The following ROBO3 variants were observed in gnomAD, a reference collection of about 807,000 sequenced individuals.
ROBO3 encodes roundabout guidance receptor 3.
Under a neutral mutation model 160.5 loss-of-function variants are expected in ROBO3, and 97 were observed. The observed-to-expected ratio is 0.60, with a 90% CI of 0.51 to 0.72. The LOEUF is 0.72. ROBO3 is among the 30% of genes least tolerant of loss of function. The probability of loss-of-function intolerance (pLI) is 0.00; values close to 1 mark genes in which losing one functional copy is unlikely to be tolerated. For missense variants in ROBO3, 1,858 were observed against 1,846.5 expected, an observed-to-expected ratio of 1.01 and a Z score of -0.11; for synonymous variants, 780 against 746.2, an observed-to-expected ratio of 1.05 and a Z score of -0.74.
At position 124,869,429 on chromosome 11, in the gene ROBO3, G is replaced by GCGCCCCCCCCCCCCCCCC; in HGVS notation, c.488-20_488-19insGCCCCCCCCCCCCCCCCC. On this transcript the variant is annotated intron_variant, in intron 2 of 27. Coordinates refer to ENST00000397801, the MANE Select transcript of ROBO3 (RefSeq NM_022370.4). The surrounding 1 kb of genome is among the most constrained non-coding windows in gnomAD (Gnocchi z 4.2). ...TGTCACTCTACACCCTGCTTATTTCGCCCCCCACCGCCCCGCCCAGTCCTC... is the reference window on the plus strand; with the variant it reads ...TGTCACTCTACACCCTGCTTATTTCGCGCCCCCCCCCCCCCCCCCCCCCCACCGCCCCGCCCAGTCCTC... 1 of 1,295,764 alleles carries GCGCCCCCCCCCCCCCCCC rather than the reference G, an allele frequency of 7.7e-7. No individual in the cohort carries two copies. The highest frequency in any genetic ancestry group is 1.1e-6 in the Non-Finnish European group (1 of 929,942). The allele number at this position is 1,295,764 out of a possible 1,614,324, so 80.3% of individuals were successfully genotyped here. A position where few individuals can be genotyped will look rare whatever the true frequency, so the allele number is the denominator to read the frequency against.
chr11:124,877,696 C>A, intron 20 of ROBO3, 38 bp downstream of exon 20: 1 of 1,604,180 alleles, frequency 6.2e-7, no homozygotes. Context: ...CTTCAGCGCA[C>A]TTCTCCCGAC....
Position 124,879,233 on chromosome 11 carries a change from C to A in ROBO3, c.3577C>A (p.Pro1193Thr), listed in dbSNP as rs2135346315. 1.9e-6 allele frequency: 3 copies of A among 1,557,568 alleles called. No homozygotes were observed. Among genetic ancestry groups the A allele is most frequent in the Non-Finnish European group, 2.6e-6 (3 of 1,150,396 alleles). The change falls in exon 24 of 28, where the codon CCC (proline) becomes ACC (threonine). Residue 1193 changes from proline (P) to threonine (T), a missense_variant. Transcript: ENST00000397801. ...GAGTTCCCCTCTCAGTGTATCCCAG[C>A]CCATGCTGGGCATCCGTGAAGCGAG... ...GPSSPLSVSQ[P>T]MLGIREARPA...
Position 124,878,247 on chromosome 11 carries a change from T to C in ROBO3, c.3182-51T>C. The C allele has an allele frequency of 1.2e-6, 2 of 1,602,314 alleles. No individual in the cohort carries two copies. The highest frequency in any genetic ancestry group is 1.3e-5 in the African/African-American group (1 of 74,842). ...GCACTTCCTTCTGACCTGTCTCATCTCTGGCTCTTTCCTGCCTGTTCTCCG... is the reference window on the plus strand; with the variant it reads ...GCACTTCCTTCTGACCTGTCTCATCCCTGGCTCTTTCCTGCCTGTTCTCCG... On this transcript the variant is annotated intron_variant, in intron 21 of 27. Transcript: ENST00000397801. The surrounding 1 kb of genome is among the most constrained non-coding windows in gnomAD (Gnocchi z 4.3).
rs1435528315 is a variant in ROBO3 at position 124,870,024 on chromosome 11, T to C, written c.722T>C (p.Met241Thr). ...AGMYVCVASN[M>T]AGERESAAAE... is the part of the protein sequence containing the mutation. The stretch of plus-strand genomic sequence containing the variant: ...ATGTATGTGTGCGTAGCCTCCAACA[T>C]GGCGGGAGAACGGGAGAGTGCGGCA... Residue 241 changes from methionine to threonine, a missense_variant, in exon 4 of 28, where the codon ATG becomes ACG. Coordinates refer to ENST00000397801, the MANE Select transcript of ROBO3 (RefSeq NM_022370.4). 6.8e-6 allele frequency: 11 copies of C among 1,614,018 alleles called. No homozygotes were observed. The highest frequency in any genetic ancestry group is 1.7e-5 in the Admixed American group (1 of 60,020).
chr11:124,877,017 C>T lies in ROBO3; in HGVS notation c.2780-144C>T, dbSNP rs546097100. Reference sequence around the variant, plus strand: ...AATACCGACACCTGAGTCCCACCCCCGAGAAATTCTGATGAAATGGGTCCA... The same window carrying T: ...AATACCGACACCTGAGTCCCACCCCTGAGAAATTCTGATGAAATGGGTCCA... On this transcript the variant is annotated intron_variant, in intron 17 of 27. Coordinates refer to ENST00000397801, the MANE Select transcript of ROBO3 (RefSeq NM_022370.4). The T allele has an allele frequency of 8.5e-6, 8 of 938,088 alleles. 1 individual carries two copies. The highest frequency in any genetic ancestry group is 5.2e-5 in the South Asian group (4 of 76,680). The allele number at this position is 938,088 out of a possible 1,614,324, so 58.1% of individuals were successfully genotyped here.
chr11:124,874,117 T>C lies in ROBO3; in HGVS notation c.1832T>C (p.Leu611Pro). Residue 611 changes from leucine to proline, a missense_variant, in exon 12 of 28, where the codon CTG becomes CCG. Leu to Pro is a moderately conservative substitution (Grantham distance 98). Transcript: ENST00000397801. ...TWRTVADGVQ[L>P]ETHTVSGLQP... ...CGTACTGTGGCAGATGGCGTGCAGC[T>C]GGAGACACACACAGTCAGCGGTCTG... 2 of 1,613,990 alleles carry C rather than the reference T, an allele frequency of 1.2e-6. No homozygotes were observed. Among genetic ancestry groups the C allele is most frequent in the South Asian group, 1.1e-5 (1 of 91,080 alleles).
intron 27 of ROBO3, among the ~76,000 whole-genome samples, chr11:124,881,033 G>A (rs964911425): frequency 5.3e-5 from 8 of 152,130 alleles, no homozygotes; most frequent in African/African-American, 1.4e-4. Flanking sequence ...CAGTCTGGGC[G>A]ACAGAGTGAG....
rs760120077 is a variant in ROBO3, at chr11:124,873,821, A to G, written c.1743A>G (p.Gln581=). Residue 581 remains glutamine, a synonymous_variant, in exon 11 of 28, where the codon CAA becomes CAG. Transcript: ENST00000397801. The surrounding 1 kb of genome is among the most constrained non-coding windows in gnomAD (Gnocchi z 4.5). ...CCCTGACCTGGAAGCCCAACCCACA[A>G]ACTGGGGCTGCAGTCACGTCTTATG... ...SITLTWKPNP[Q]TGAAVTSYVI... 1 of 1,613,768 alleles carries G rather than the reference A, an allele frequency of 6.2e-7. No individual in the cohort carries two copies.
chr11:124,876,229 C>A lies in ROBO3; in HGVS notation c.2594-46C>A, dbSNP rs755408543. Reference sequence around the variant, plus strand: ...GGTCGGGAATGACCCTTTCCCAGTTCCAGGGTTTCGGGCCCCTCCTCCCCT... The same window carrying A: ...GGTCGGGAATGACCCTTTCCCAGTTACAGGGTTTCGGGCCCCTCCTCCCCT... On this transcript the variant is annotated intron_variant, in intron 16 of 27. Coordinates refer to ENST00000397801, the MANE Select transcript of ROBO3 (RefSeq NM_022370.4). This position sits in a 1 kb window ranked among gnomAD's most constrained non-coding sequence, Gnocchi z 5.3. 8.0e-6 allele frequency: 12 copies of A among 1,497,714 alleles called. 1 individual carries two copies. In the South Asian group the frequency reaches 1.5e-4, roughly 19 times the overall value. The allele number at this position is 1,497,714 out of a possible 1,614,324, so 92.8% of individuals were successfully genotyped here.
chr11:124,879,933 G>C lies in ROBO3; in HGVS notation c.3943G>C (p.Val1315Leu). ...VQAVPLAAQR[V>L]LHPDEEAWLP... ...GGCCGTGCCCCTGGCAGCCCAGCGG[G>C]TGCTCCACCCAGATGGTAAGCAGGG... The change falls in exon 26 of 28, where the codon GTG (valine) becomes CTG (leucine). Residue 1315 changes from valine (V) to leucine (L), a missense_variant. Transcript: ENST00000397801. The C allele has an allele frequency of 1.3e-6, 2 of 1,587,660 alleles. No homozygotes were observed. The highest frequency in any genetic ancestry group is 1.1e-5 in the South Asian group (1 of 87,522).
rs2135326748 is a variant in ROBO3 at position 124,870,483 on chromosome 11, TTC to T, written c.906-116_906-115del. The stretch of plus-strand genomic sequence containing the variant: ...ATTGATGGGTCCATGGGTAACCAGC[TTC>T]TGTCCCTGCTGGGTCCTGCCTGTCT... On this transcript the variant is annotated intron_variant, in intron 5 of 27. Transcript: ENST00000397801. The T allele has an allele frequency of 1.4e-5, 22 of 1,529,530 alleles. No homozygotes were observed. The South Asian group carries it at 2.3e-4, about 16-fold the overall frequency. 94.7% of individuals were successfully genotyped at this position (1,529,530 alleles called of 1,614,324 possible). A position where few individuals can be genotyped will look rare whatever the true frequency, so the allele number is the denominator to read the frequency against.
chr11:124,876,341 T>C lies in ROBO3; in HGVS notation c.2660T>C (p.Val887Ala). 7.0e-7 allele frequency: 1 copy of C among 1,435,258 alleles called. No individual in the cohort carries two copies. Among genetic ancestry groups the C allele is most frequent in the Non-Finnish European group, 9.1e-7 (1 of 1,103,672 alleles). The allele number at this position is 1,435,258 out of a possible 1,614,324, so 88.9% of individuals were successfully genotyped here. A position where few individuals can be genotyped will look rare whatever the true frequency, so the allele number is the denominator to read the frequency against. ...GAGLAVRLAR[V>A]LREPAFLAGS... ...GGGCTGGCGGTGCGGCTGGCGAGGG[T>C]GCTGCGGGAGCCCGCCTTCCTCGCG... Residue 887 changes from valine (V) to alanine (A), a missense_variant, in exon 17 of 28, where the codon GTG (valine) becomes GCG (alanine). Coordinates refer to ENST00000397801, the MANE Select transcript of ROBO3 (RefSeq NM_022370.4). The surrounding 1 kb of genome is among the most constrained non-coding windows in gnomAD (Gnocchi z 5.3).
In ROBO3 at chr11:124,880,487, C is replaced by G. The variant is rs745464981; in HGVS notation, c.4028C>G (p.Thr1343Arg). Residue 1343 changes from threonine (T) to arginine (R), a missense_variant, in exon 27 of 28, where the codon ACG (threonine) becomes AGG (arginine). Physicochemically the swap from Thr to Arg is moderately conservative, Grantham distance 71 (BLOSUM62 -1). Coordinates refer to ENST00000397801, the MANE Select transcript of ROBO3 (RefSeq NM_022370.4). ...GGCCAGGGCACCAGCACATGTTCCACGGCCGGCAGCAACTCTTCCAGGGGC... is the reference window on the plus strand; with the variant it reads ...GGCCAGGGCACCAGCACATGTTCCAGGGCCGGCAGCAACTCTTCCAGGGGC... ...SRGQGTSTCSTAGSNSSRGSS... is the reference protein window; with the variant it reads ...SRGQGTSTCSRAGSNSSRGSS... 1 of 1,604,678 alleles carries G rather than the reference C, an allele frequency of 6.2e-7. No individual in the cohort carries two copies. Among genetic ancestry groups the G allele is most frequent in the East Asian group, 2.2e-5 (1 of 44,618 alleles).
chr11:124,877,373 G>T, intron 19 of ROBO3, 64 bp downstream of exon 19: 2 of 1,603,566 alleles, frequency 1.2e-6, no homozygotes, highest in Non-Finnish European at 8.5e-7. Context: ...CTTCCGCCCC[G>T]CTGACGCCCC....
chr11:124,869,429 G>GCCCCC lies in ROBO3; in HGVS notation c.488-19_488-15dup, dbSNP rs34127060. ...TGTCACTCTACACCCTGCTTATTTC[G>GCCCCC]CCCCCCACCGCCCCGCCCAGTCCTC... On this transcript the variant is annotated intron_variant, in intron 2 of 27. Transcript: ENST00000397801. This position sits in a 1 kb window ranked among gnomAD's most constrained non-coding sequence, Gnocchi z 4.2. The GCCCCC allele has an allele frequency of 4.5e-4, 582 of 1,300,958 alleles. No homozygotes were observed. The highest frequency in any genetic ancestry group is 2.1e-3 in the Admixed American group (104 of 49,952). The allele number at this position is 1,300,958 out of a possible 1,614,324, so 80.6% of individuals were successfully genotyped here.
At chr11:124,866,877 T>C (rs1231385398) in intron 1 of ROBO3, among the ~76,000 whole-genome samples, 1 of 152,050 alleles carries the variant, frequency 6.6e-6, no homozygotes, top group African/African-American at 2.4e-5. Context: ...TTCTCCAACC[T>C]CTTGACCCTC....
chr11:124,875,379 AGGGGTG>A, intron 14 of ROBO3, 43 bp downstream of exon 14: 2 of 421,854 alleles, frequency 4.7e-6, no homozygotes, highest in Non-Finnish European at 7.7e-6. Flanking sequence ...AGAGGGAAGA[AGGGGTG>A]GGGGTGGAGG....
In ROBO3 at chr11:124,878,284, C is replaced by T; in HGVS notation, c.3182-14C>T. On this transcript the variant is annotated splice_polypyrimidine_tract_variant and intron_variant, in intron 21 of 27. Coordinates refer to ENST00000397801, the MANE Select transcript of ROBO3 (RefSeq NM_022370.4). The surrounding 1 kb of genome is among the most constrained non-coding windows in gnomAD (Gnocchi z 4.3). Reference sequence around the variant, plus strand: ...CTGCCTGTTCTCCGGGTGTCCCCATCCTATTCTCCTCAGGAGCCAAGGGAG... The same window carrying T: ...CTGCCTGTTCTCCGGGTGTCCCCATTCTATTCTCCTCAGGAGCCAAGGGAG... 2 of 1,611,756 alleles carry T rather than the reference C, an allele frequency of 1.2e-6. No individual in the cohort carries two copies. The highest frequency in any genetic ancestry group is 1.7e-6 in the Non-Finnish European group (2 of 1,178,956).
chr11:124,867,202 T>C (rs2135322673), intron 1 of ROBO3, among the ~76,000 whole-genome samples: 1 of 152,274 alleles, frequency 6.6e-6, no homozygotes. Context: ...TGGTAGAATT[T>C]GATTCAGGTA....
Sources: allele counts gnomAD v4.1 joint callset (sites outside exome capture counted in the v4.1 genomes callset), GRCh38; gene constraint gnomAD v4.1.1; non-coding constraint Gnocchi (gnomAD v3.1); transcripts MANE v1.5; gene names NCBI Gene and HGNC (gene_info 2026-07-23, HGNC 2026-07-21).